The following TWF1 variants were observed in gnomAD, a reference collection of about 807,000 sequenced individuals.
The protein encoded by TWF1 is twinfilin actin binding protein 1.
TWF1 carries 14 observed loss-of-function variants against 47.9 expected under a neutral mutation model. The ratio of observed to expected loss-of-function variants is 0.29; its 90% CI spans 0.19 to 0.46. The LOEUF (loss-of-function observed/expected upper bound fraction) is 0.46. Ranked by LOEUF, TWF1 falls within the 20% of genes least tolerant of loss-of-function variation. TWF1 has a pLI of 1.00. For missense variants in TWF1, 281 were observed against 409.3 expected (o/e 0.69, Z 2.70); for synonymous variants, 96 against 139.2 (o/e 0.69, Z 2.18).
chr12:43,805,982 T>TC (rs958960220), intron 1 of TWF1: 1 of 1,539,712 alleles, frequency 6.5e-7, no homozygotes, highest in African/African-American at 1.4e-5. Flanking sequence ...TTTCCTTCGC[T>TC]CCCCCGAATT....
chr12:43,803,553 T>C (rs564661075), intron 2 of TWF1, among the ~76,000 whole-genome samples: 82 of 152,220 alleles, frequency 5.4e-4, no homozygotes, highest in Non-Finnish European at 9.4e-4. Context: ...AAATAATAAC[T>C]TAGGAAGTAG....
chr12:43,798,636 ATC>A, intron 5 of TWF1: 4 of 1,428,814 alleles, frequency 2.8e-6, no homozygotes, highest in Non-Finnish European at 3.7e-6. Flanking sequence ...AAAAAAAAAA[ATC>A]ACATAAAAAG....
At chr12:43,797,985 C>T in intron 5 of TWF1, 152 bp from the exon 6 acceptor site, 1 of 766,772 alleles carries the variant, frequency 1.3e-6, no homozygotes, top group Non-Finnish European at 2.0e-6. Flanking sequence ...GTCCTGCTAG[C>T]ATTTTGTCAA....
chr12:43,797,351 A>G lies in TWF1; in HGVS notation c.711T>C (p.His237=). The change falls in exon 7 of 9, where the codon CAT becomes CAC. Residue 237 remains histidine (H), a synonymous_variant. Transcript: ENST00000395510. ...CATGGGAATGTTTATACAGAAAGAA[A>G]TGGTAACGAGCTGAATCCTTGGGAA... ...KRIPKDSARY[H]FFLYKHSHEG... is the part of the protein sequence containing the mutation. 6.2e-7 allele frequency: 1 copy of G among 1,605,590 alleles called. No individual in the cohort carries two copies. Among genetic ancestry groups the G allele is most frequent in the Non-Finnish European group, 8.5e-7 (1 of 1,176,664 alleles).
Position 43,806,276 on chromosome 12 carries a change from C to G in TWF1, c.-31G>C, listed in dbSNP as rs1942771598. On this transcript the variant is annotated 5_prime_UTR_variant, in exon 1 of 9. Coordinates refer to ENST00000395510, the MANE Select transcript of TWF1 (RefSeq NM_002822.5). ...CGGCCGCTAGCTCCCGGCTCCGGCG[C>G]TGAGTGCAGCCAGCGGCCCCGGCCG... is the stretch of plus-strand genomic sequence containing the variant. 1 of 1,511,856 alleles carries G rather than the reference C, an allele frequency of 6.6e-7. No individual in the cohort carries two copies. Among genetic ancestry groups the G allele is most frequent in the Non-Finnish European group, 8.8e-7 (1 of 1,133,876 alleles). The allele number at this position is 1,511,856 out of a possible 1,614,324, so 93.7% of individuals were successfully genotyped here.
intron 1 of TWF1, chr12:43,805,793 G>T: frequency 1.5e-6 from 2 of 1,358,458 alleles, no homozygotes; most frequent in Non-Finnish European, 1.9e-6. Flanking sequence ...TCAAAGTCCT[G>T]TAATATTCTC....
chr12:43,800,283 A>G (rs1409083599), intron 4 of TWF1, 152 bp downstream of exon 4: 1 of 560,292 alleles, frequency 1.8e-6, no homozygotes, highest in African/African-American at 1.9e-5. Flanking sequence ...TATTCATTAC[A>G]GCTAACTTTA....
intron 4 of TWF1, 31 bp downstream of exon 4, chr12:43,800,404 A>G: frequency 6.5e-7 from 1 of 1,535,164 alleles, no homozygotes; most frequent in Non-Finnish European, 8.9e-7. Context: ...TTTTAATTGC[A>G]ACATATAGAA....
At chr12:43,805,962 C>G (rs1369996835) in intron 1 of TWF1, 5 of 1,544,846 alleles carry the variant, frequency 3.2e-6, no homozygotes, top group Non-Finnish European at 4.4e-6. Context: ...CAGGCCGCCT[C>G]GAAAGCCAAT....
intron 2 of TWF1, 30 bp from the exon 3 acceptor site, chr12:43,802,494 T>A: frequency 6.5e-7 from 1 of 1,545,900 alleles, no homozygotes; most frequent in Non-Finnish European, 8.9e-7. Context: ...GAAAGATAGG[T>A]AAATGGTTTG....
intron 2 of TWF1, among the ~76,000 whole-genome samples, chr12:43,803,452 A>G (rs1406611305): frequency 6.6e-6 from 1 of 152,134 alleles, no homozygotes; most frequent in East Asian, 1.9e-4. Context: ...AGTTATTAAT[A>G]AAGGGGAGAT....
chr12:43,802,878 T>C (rs1258130836), intron 2 of TWF1, among the ~76,000 whole-genome samples: 5 of 152,150 alleles, frequency 3.3e-5, no homozygotes, highest in African/African-American at 9.6e-5. Context: ...CAGTAAGAAA[T>C]ATTAAATAAA....
chr12:43,801,336 C>T (rs930364046), intron 3 of TWF1, among the ~76,000 whole-genome samples: 1 of 152,068 alleles, frequency 6.6e-6, no homozygotes, highest in Non-Finnish European at 1.5e-5. Flanking sequence ...TACCAATTAA[C>T]AAATAATTTC....
chr12:43,800,788 T>G (rs576014301), intron 3 of TWF1, among the ~76,000 whole-genome samples: 2 of 152,322 alleles, frequency 1.3e-5, no homozygotes, highest in South Asian at 4.1e-4. Context: ...TTTGCTCTTG[T>G]TGCCCAGGCT....
intron 3 of TWF1, 66 bp downstream of exon 3, chr12:43,802,220 A>C (rs1268854664): frequency 2.8e-6 from 3 of 1,086,282 alleles, no homozygotes; most frequent in Non-Finnish European, 3.9e-6. Context: ...CCTTTATTTG[A>C]CCTAGAAATT....
intron 1 of TWF1, 45 bp downstream of exon 1, chr12:43,806,176 T>A (rs1330288042): frequency 6.5e-7 from 1 of 1,537,790 alleles, no homozygotes; most frequent in Non-Finnish European, 8.7e-7. Flanking sequence ...CTCTCCCGGC[T>A]CTCCCGGAAG....
Position 43,797,443 on chromosome 12 carries a change from T to C in TWF1, c.619A>G (p.Ile207Val). Residue 207 changes from isoleucine (I) to valine (V), a missense_variant, in exon 7 of 9, where the codon ATA becomes GTA. Coordinates refer to ENST00000395510, the MANE Select transcript of TWF1 (RefSeq NM_002822.5). ...QLNYVQLEID[I>V]KNEIIILANT... ...GCCAAAATTATAATTTCATTTTTTA[T>C]ATCTATTTCCTGCCAATAAGAAACA... 1 of 1,588,920 alleles carries C rather than the reference T, an allele frequency of 6.3e-7. No individual in the cohort carries two copies. Among genetic ancestry groups the C allele is most frequent in the Admixed American group, 1.8e-5 (1 of 57,072 alleles).
Position 43,800,450 on chromosome 12 carries a change from T to C in TWF1, c.363A>G (p.Val121=). The C allele has an allele frequency of 6.2e-7, 1 of 1,612,818 alleles. No homozygotes were observed. The highest frequency in any genetic ancestry group is 8.5e-7 in the Non-Finnish European group (1 of 1,179,466). ...EFGGGHIKDE[V]FGTVKEDVSL... is the part of the protein sequence containing the mutation. ...AACATAATACCTTTACTGTTCCAAATACTTCATCTTTAATGTGGCCACCTC... is the reference window on the plus strand; with the variant it reads ...AACATAATACCTTTACTGTTCCAAACACTTCATCTTTAATGTGGCCACCTC... Residue 121 remains valine (V), a synonymous_variant, in exon 4 of 9, where the codon GTA becomes GTG. Transcript: ENST00000395510.
chr12:43,798,787 ATAGTGGT>A lies in TWF1; in HGVS notation c.483+604_483+610del, dbSNP rs548448105. Reference sequence around the variant, plus strand: ...AATGAACAGTGGTTTCAGCTAATGAATAGTGGTTTCAGCCACTTGTTCTTTTCTGTAA... The same window carrying A: ...AATGAACAGTGGTTTCAGCTAATGAATTCAGCCACTTGTTCTTTTCTGTAA... On this transcript the variant is annotated intron_variant, in intron 5 of 8. Coordinates refer to ENST00000395510, the MANE Select transcript of TWF1 (RefSeq NM_002822.5). 4.0e-4 allele frequency among the ~76,000 whole-genome samples: 61 copies of A among 152,204 alleles called. 1 individual carries two copies. Among genetic ancestry groups the A allele is most frequent in the African/African-American group, 1.4e-3 (59 of 41,568 alleles).
Sources: allele counts gnomAD v4.1 joint callset (sites outside exome capture counted in the v4.1 genomes callset), GRCh38; gene constraint gnomAD v4.1.1; transcripts MANE v1.5; gene names NCBI Gene and HGNC (gene_info 2026-07-23, HGNC 2026-07-21).